The following RNF220 variants were observed in gnomAD, a reference collection of about 807,000 sequenced individuals.
RNF220 encodes the protein E3 ubiquitin-protein ligase RNF220.
A neutral mutation model predicts 67.1 loss-of-function variants in RNF220; 7 were observed. The ratio of observed to expected loss-of-function variants is 0.10; its 90% CI spans 0.06 to 0.20. The LOEUF (loss-of-function observed/expected upper bound fraction) is 0.20. Ranked by LOEUF, RNF220 falls within the 10% of genes least tolerant of loss-of-function variation. The pLI, the probability that RNF220 is intolerant of heterozygous loss-of-function variation, is 1.00. For missense variants in RNF220, 565 were observed against 740.3 expected, an observed-to-expected ratio of 0.76 and a Z score of 2.75; for synonymous variants, 270 against 283.2, an observed-to-expected ratio of 0.95 and a Z score of 0.47.
At chr1:44,509,621 C>T (rs1658775206) in intron 2 of RNF220, among the ~76,000 whole-genome samples, 1 of 150,982 alleles carries the variant, frequency 6.6e-6, no homozygotes, top group Non-Finnish European at 1.5e-5. Context: ...GGTGCAGTGG[C>T]TCACACCTGT....
chr1:44,537,388 T>C (rs1166508595), intron 2 of RNF220, among the ~76,000 whole-genome samples: 1 of 152,144 alleles, frequency 6.6e-6, no homozygotes, highest in Non-Finnish European at 1.5e-5. Flanking sequence ...TGTGTGTGTG[T>C]GTGTCACAGA....
At chr1:44,475,206 G>T (rs1655185057) in intron 2 of RNF220, among the ~76,000 whole-genome samples, 2 of 152,180 alleles carry the variant, frequency 1.3e-5, no homozygotes, top group South Asian at 4.1e-4. Context: ...AAGCCAGTCA[G>T]CAGACACATA....
At chr1:44,546,883 C>T (rs987635078) in intron 2 of RNF220, among the ~76,000 whole-genome samples, 7 of 152,228 alleles carry the variant, frequency 4.6e-5, no homozygotes, top group Admixed American at 1.3e-4. Context: ...TCTCCAGGCG[C>T]CTCCTGGCGG....
chr1:44,635,708 TC>T, intron 7 of RNF220, 120 bp downstream of exon 7: 2 of 1,538,366 alleles, frequency 1.3e-6, no homozygotes, highest in Non-Finnish European at 1.8e-6. Context: ...CCCGCTCCCT[TC>T]CCCCGACACT....
intron 2 of RNF220, among the ~76,000 whole-genome samples, chr1:44,552,137 C>T (rs1662687639): frequency 1.3e-5 from 2 of 152,224 alleles, no homozygotes; most frequent in South Asian, 4.1e-4. Flanking sequence ...AAAGGCTCCG[C>T]AGCAGGCTCA....
rs113190131 is a variant in RNF220 at position 44,488,221 on chromosome 1, C to T, written c.625+75499C>T. Among the ~76,000 whole-genome samples, 416 of 150,088 alleles carry T rather than the reference C, an allele frequency of 2.8e-3. 4 individuals are homozygous for T. Among genetic ancestry groups the T allele is most frequent in the Non-Finnish European group, 2.0e-3 (134 of 67,792 alleles). ...CACGATCTCGGCTCACTGCAACCTT[C>T]GCCTCCTGGGTTCAAGTGATTCACC... On this transcript the variant is annotated intron_variant, in intron 2 of 14. Transcript: ENST00000361799.
chr1:44,437,077 T>C (rs1651050884), intron 2 of RNF220, among the ~76,000 whole-genome samples: 1 of 152,236 alleles, frequency 6.6e-6, no homozygotes, highest in South Asian at 2.1e-4. Context: ...ATTTTGCTTA[T>C]TGAACGAGCC....
intron 2 of RNF220, among the ~76,000 whole-genome samples, chr1:44,475,555 T>A (rs1419130691): frequency 4.0e-5 from 5 of 124,594 alleles, no homozygotes; most frequent in African/African-American, 1.7e-4. Flanking sequence ...GGCAACAGTG[T>A]GAGACTCGGT....
intron 1 of RNF220, among the ~76,000 whole-genome samples, chr1:44,406,489 T>C (rs1557893029): frequency 6.6e-6 from 1 of 152,236 alleles, no homozygotes; most frequent in Non-Finnish European, 1.5e-5. Context: ...TACTTGTAGT[T>C]TTATTTTTAT....
At chr1:44,427,349 A>G (rs1267125316) in intron 2 of RNF220, among the ~76,000 whole-genome samples, 5 of 152,198 alleles carry the variant, frequency 3.3e-5, no homozygotes, top group Admixed American at 6.5e-5. Context: ...TGAGCACTTC[A>G]TATATGTATG....
chr1:44,435,654 G>A (rs1342087259), intron 2 of RNF220, among the ~76,000 whole-genome samples: 2 of 152,234 alleles, frequency 1.3e-5, no homozygotes. Flanking sequence ...AAAAGGCCAG[G>A]CATGGTGGCT....
intron 2 of RNF220, among the ~76,000 whole-genome samples, chr1:44,595,363 C>G (rs1334652273): frequency 6.6e-6 from 1 of 152,206 alleles, no homozygotes; most frequent in Non-Finnish European, 1.5e-5. Flanking sequence ...ACGCCCGGGC[C>G]CTGTGGTCCA....
chr1:44,622,241 C>A lies in RNF220; in HGVS notation c.759-501C>A, dbSNP rs1643826942. ...GCCCAGCTCCCGCCTGCCTGCCGCG[C>A]CCGATGCCGGAGGGCCTGGGGCTGA... is the stretch of plus-strand genomic sequence containing the variant. On this transcript the variant is annotated intron_variant, in intron 3 of 14. Transcript: ENST00000361799. This position sits in a 1 kb window ranked among gnomAD's most constrained non-coding sequence, Gnocchi z 4.3. Among the ~76,000 whole-genome samples the A allele has an allele frequency of 6.6e-6, 1 of 152,214 alleles. No homozygotes were observed. The highest frequency in any genetic ancestry group is 2.4e-5 in the African/African-American group (1 of 41,448).
At chr1:44,504,687 A>T (rs551926990) in intron 2 of RNF220, among the ~76,000 whole-genome samples, 1 of 152,148 alleles carries the variant, frequency 6.6e-6, no homozygotes, top group South Asian at 2.1e-4. Context: ...CTGATACCTC[A>T]GTGACAAGAT....
intron 2 of RNF220, among the ~76,000 whole-genome samples, chr1:44,583,215 G>GATATATATATATAT (rs35343175): frequency 3.3e-4 from 49 of 149,042 alleles, no homozygotes; most frequent in African/African-American, 1.2e-3. Flanking sequence ...TCCAGAAGCA[G>GATATATATATATAT]ATATATATAT....
intron 3 of RNF220, among the ~76,000 whole-genome samples, chr1:44,620,723 C>T (rs1643755169): frequency 6.6e-6 from 1 of 152,160 alleles, no homozygotes. Flanking sequence ...CCTCACTCTG[C>T]TGCTGGGCCT....
chr1:44,584,229 C>T (rs1462469182), intron 2 of RNF220, among the ~76,000 whole-genome samples: 1 of 152,204 alleles, frequency 6.6e-6, no homozygotes, highest in African/African-American at 2.4e-5. Context: ...CTTTGGTCCA[C>T]TCAATTCAGA....
chr1:44,434,483 C>T (rs962701576), intron 2 of RNF220, among the ~76,000 whole-genome samples: 11 of 151,988 alleles, frequency 7.2e-5, no homozygotes, highest in South Asian at 4.2e-4. Context: ...CCGAGGCGGG[C>T]GGATCACGAG....
intron 2 of RNF220, among the ~76,000 whole-genome samples, chr1:44,504,894 T>C (rs1371583755): frequency 6.6e-6 from 1 of 152,186 alleles, no homozygotes; most frequent in Non-Finnish European, 1.5e-5. Flanking sequence ...AAACATGTGG[T>C]ATCCTCAGGG....
Sources: gnomAD v4.1 joint callset for allele counts (sites outside exome capture counted in the v4.1 genomes callset) on GRCh38, gnomAD v4.1.1 for gene constraint, Gnocchi (gnomAD v3.1) non-coding constraint, MANE v1.5 for transcripts, NCBI Gene and HGNC (gene_info 2026-07-23, HGNC 2026-07-21) for gene names.